The following EFNA5 variants were observed in gnomAD, a reference collection of about 807,000 sequenced individuals.
EFNA5 encodes ephrin-A5.
EFNA5 carries 5 observed loss-of-function variants against 22.9 expected under a neutral mutation model. The observed-to-expected ratio is 0.22, with a 90% CI of 0.11 to 0.46. The LOEUF is 0.46. Ranked by LOEUF, EFNA5 falls within the 20% of genes least tolerant of loss-of-function variation. The pLI is 0.99. For synonymous variants in EFNA5, 113 were observed against 112.2 expected (o/e 1.01, Z -0.04); for missense variants, 237 against 293.3 (o/e 0.81, Z 1.40).
intron 2 of EFNA5, among the ~76,000 whole-genome samples, chr5:107,407,618 A>G (rs1230604698): frequency 6.6e-6 from 1 of 152,200 alleles, no homozygotes; most frequent in East Asian, 1.9e-4. Flanking sequence ...AGCTCCTCTT[A>G]AATACTAAGA....
Position 107,511,209 on chromosome 5 carries a change from A to T in EFNA5, c.126-83700T>A, listed in dbSNP as rs143955054. On this transcript the variant is annotated intron_variant, in intron 1 of 4. Transcript: ENST00000333274. ...GCCTGGCTAATTTTGTATTTTTAGT[A>T]GAGACAGGGTTTCACCATGTTGGTC... Among the ~76,000 whole-genome samples, 1,521 of 152,240 alleles carry T rather than the reference A, an allele frequency of 1.0e-2. 22 individuals are homozygous for T. The highest frequency in any genetic ancestry group is 0.035 in the African/African-American group (1,462 of 41,526).
chr5:107,612,312 A>G (rs1170234556), intron 1 of EFNA5, among the ~76,000 whole-genome samples: 1 of 152,174 alleles, frequency 6.6e-6, no homozygotes, highest in East Asian at 1.9e-4. Flanking sequence ...ATAAAATTAT[A>G]TAGAATCCAG....
rs879421555 is a variant in EFNA5 at position 107,378,085 on chromosome 5, T to A, written c.*3170A>T. ...CAATGCATGTTTTGTATCCTGAAAGTCTATTGTTCTCACTTACAAAAGACA... is the reference window on the plus strand; with the variant it reads ...CAATGCATGTTTTGTATCCTGAAAGACTATTGTTCTCACTTACAAAAGACA... On this transcript the variant is annotated 3_prime_UTR_variant, in exon 5 of 5. Coordinates refer to ENST00000333274, the MANE Select transcript of EFNA5 (RefSeq NM_001962.3). 4 of 152,152 alleles carry A rather than the reference T, an allele frequency of 2.6e-5. No homozygotes were observed. The highest frequency in any genetic ancestry group is 5.9e-5 in the Non-Finnish European group (4 of 68,028). The allele number at this position is 152,152 out of a possible 1,614,324, so 9.4% of individuals were successfully genotyped here.
rs1382382614 is a variant in EFNA5, at chr5:107,576,948, C to T, written c.125+93541G>A. Among the ~76,000 whole-genome samples the T allele has an allele frequency of 2.0e-5, 3 of 152,156 alleles. No individual in the cohort carries two copies. In the East Asian group the frequency reaches 5.8e-4, roughly 29 times the overall value. ...GAAGGTTAGCATTCCAGGGTTATTTCCAGTCCCAAAACATGGAAATCTGTT... is the reference window on the plus strand; with the variant it reads ...GAAGGTTAGCATTCCAGGGTTATTTTCAGTCCCAAAACATGGAAATCTGTT... On this transcript the variant is annotated intron_variant, in intron 1 of 4. Transcript: ENST00000333274.
chr5:107,482,899 C>CAT (rs1750525956), intron 1 of EFNA5, among the ~76,000 whole-genome samples: 1 of 132,160 alleles, frequency 7.6e-6, no homozygotes, highest in South Asian at 2.4e-4. Flanking sequence ...TATATACATA[C>CAT]ATATATACAC....
chr5:107,532,649 A>T (rs775126508), intron 1 of EFNA5, among the ~76,000 whole-genome samples: 1 of 152,206 alleles, frequency 6.6e-6, no homozygotes. Context: ...CTCTACCACA[A>T]TTGGACATGT....
At chr5:107,485,538 G>C (rs1436445212) in intron 1 of EFNA5, among the ~76,000 whole-genome samples, 1 of 152,182 alleles carries the variant, frequency 6.6e-6, no homozygotes, top group Non-Finnish European at 1.5e-5. Flanking sequence ...CCTTGAGAAA[G>C]AGTGAATTGA....
At chr5:107,486,579 A>C (rs111472921) in intron 1 of EFNA5, among the ~76,000 whole-genome samples, 2 of 152,302 alleles carry the variant, frequency 1.3e-5, no homozygotes, top group African/African-American at 4.8e-5. Flanking sequence ...TGAGAGTATT[A>C]TACCTCTCTA....
At chr5:107,397,193 G>A (rs186019925) in intron 2 of EFNA5, among the ~76,000 whole-genome samples, 7 of 152,266 alleles carry the variant, frequency 4.6e-5, no homozygotes, top group Admixed American at 4.6e-4. Context: ...TGAGGCTGCA[G>A]TGAGCTATGA....
At chr5:107,663,284 A>C (rs1372633745) in intron 1 of EFNA5, among the ~76,000 whole-genome samples, 1 of 152,110 alleles carries the variant, frequency 6.6e-6, no homozygotes, top group Non-Finnish European at 1.5e-5. Flanking sequence ...ATCAGGAAAT[A>C]AGCACTTAAT....
At chr5:107,669,720 G>A (rs1751146999) in intron 1 of EFNA5, among the ~76,000 whole-genome samples, 1 of 152,114 alleles carries the variant, frequency 6.6e-6, no homozygotes, top group South Asian at 2.1e-4. Flanking sequence ...CCAGGCCGCG[G>A]GCGAAGGGCT....
intron 1 of EFNA5, among the ~76,000 whole-genome samples, chr5:107,604,617 A>T (rs1299808595): frequency 2.0e-5 from 3 of 152,202 alleles, no homozygotes; most frequent in Non-Finnish European, 4.4e-5. Context: ...ATTAGAACTT[A>T]AAAAAATAAA....
At chr5:107,431,077 A>G (rs994096351) in intron 1 of EFNA5, among the ~76,000 whole-genome samples, 4 of 152,182 alleles carry the variant, frequency 2.6e-5, no homozygotes, top group Non-Finnish European at 5.9e-5. Flanking sequence ...CCCGGCCACA[A>G]TTAGTATTTC....
intron 1 of EFNA5, among the ~76,000 whole-genome samples, chr5:107,525,460 A>G (rs1285666076): frequency 6.6e-6 from 1 of 152,178 alleles, no homozygotes; most frequent in Non-Finnish European, 1.5e-5. Context: ...ATCCATGTAT[A>G]ACTTCTGATT....
At chr5:107,562,389 C>T (rs1026800707) in intron 1 of EFNA5, among the ~76,000 whole-genome samples, 2 of 151,832 alleles carry the variant, frequency 1.3e-5, no homozygotes, top group Non-Finnish European at 2.9e-5. Flanking sequence ...AAGCAGATAG[C>T]GTCATTTTTA....
intron 1 of EFNA5, among the ~76,000 whole-genome samples, chr5:107,441,134 G>A (rs577711595): frequency 6.6e-6 from 1 of 151,962 alleles, no homozygotes; most frequent in East Asian, 1.9e-4. Context: ...TCTGGCTCAG[G>A]ACACTCTGTA....
intron 1 of EFNA5, among the ~76,000 whole-genome samples, chr5:107,579,025 G>A (rs1748985696): frequency 6.6e-6 from 1 of 152,066 alleles, no homozygotes; most frequent in African/African-American, 2.4e-5. Flanking sequence ...CATAAATGGT[G>A]TCCACATGAA....
intron 1 of EFNA5, among the ~76,000 whole-genome samples, chr5:107,632,172 C>T (rs897841505): frequency 6.6e-6 from 1 of 152,174 alleles, no homozygotes; most frequent in Admixed American, 6.5e-5. Context: ...TTTCTCTCTT[C>T]TCAACAGCCT....
intron 1 of EFNA5, among the ~76,000 whole-genome samples, chr5:107,651,658 A>C (rs939667068): frequency 1.8e-5 from 2 of 112,166 alleles, no homozygotes; most frequent in Non-Finnish European, 3.5e-5. Context: ...TTTGTGAACA[A>C]TGGTTTTTTG....
Sources: allele counts gnomAD v4.1 joint callset (sites outside exome capture counted in the v4.1 genomes callset), GRCh38; gene constraint gnomAD v4.1.1; transcripts MANE v1.5; gene names NCBI Gene and HGNC (gene_info 2026-07-23, HGNC 2026-07-21).